HIVEP3: variants seen among roughly 807,000 people sequenced by gnomAD.
HIVEP3 encodes transcription factor HIVEP3.
In HIVEP3, 49 loss-of-function variants were observed where a neutral mutation model predicts 152.8. That is an observed-to-expected ratio of 0.32 (90% CI 0.26 to 0.41). The LOEUF is 0.41. Among genes scored for constraint, HIVEP3 ranks in the 10% least tolerant of loss-of-function variants. The probability of loss-of-function intolerance (pLI) is 1.00; values close to 1 mark genes in which losing one functional copy is unlikely to be tolerated. For missense variants in HIVEP3, 2,790 were observed against 3,103.3 expected, an observed-to-expected ratio of 0.90 and a Z score of 2.40; for synonymous variants, 1,269 against 1,289.0, an observed-to-expected ratio of 0.98 and a Z score of 0.33.
At chr1:41,888,037 CTTT>C (rs759423194) in intron 1 of HIVEP3, among the ~76,000 whole-genome samples, 2 of 121,296 alleles carry the variant, frequency 1.6e-5, no homozygotes, top group Admixed American at 8.4e-5. Context: ...CCCAGCTGAA[CTTT>C]TTTTTTTTTT....
Position 41,583,002 on chromosome 1 carries a change from C to A in HIVEP3, c.1796G>T (p.Gly599Val), listed in dbSNP as rs1644440118. Residue 599 changes from glycine (G) to valine (V), a missense_variant, in exon 4 of 9, where the codon GGG becomes GTG. By Grantham distance (109) the Gly-to-Val change is moderately radical. Around this residue, in one of 9 missense-constraint regions of HIVEP3, gnomAD observed 339 missense variants for 327.0 expected, o/e 1.04. Transcript: ENST00000372583. The surrounding 1 kb of genome is among the most constrained non-coding windows in gnomAD (Gnocchi z 6.9). ...GCCAGGCTCCTCAGAACTGTATTCC[C>A]CTCCCAAAGGTAATTCGATTGCCGG... is the stretch of plus-strand genomic sequence containing the variant. ...RQPAIELPLG[G>V]EYSSEEPGPS... 6.2e-7 allele frequency: 1 copy of A among 1,613,930 alleles called. No homozygotes were observed. The highest frequency in any genetic ancestry group is 1.7e-5 in the Admixed American group (1 of 59,994).
intron 2 of HIVEP3, among the ~76,000 whole-genome samples, chr1:41,637,189 T>G (rs1044124576): frequency 6.6e-6 from 1 of 152,122 alleles, no homozygotes; most frequent in Non-Finnish European, 1.5e-5. Flanking sequence ...TACACACACA[T>G]GCACACATAG....
At chr1:41,934,858 G>A (rs923933997) in intron 1 of HIVEP3, among the ~76,000 whole-genome samples, 16 of 152,102 alleles carry the variant, frequency 1.1e-4, no homozygotes, top group African/African-American at 3.9e-4. Flanking sequence ...GCCTGCAATT[G>A]CCTGGCAAAG....
In HIVEP3 at chr1:42,014,356, G is replaced by A. The variant is rs114274582; in HGVS notation, n.119+21451C>T. Among the ~76,000 whole-genome samples, 764 of 152,112 alleles carry A rather than the reference G, an allele frequency of 5.0e-3. 8 individuals are homozygous for A. Among genetic ancestry groups the A allele is most frequent in the African/African-American group, 0.017 (723 of 41,510 alleles). On this transcript the variant is annotated intron_variant and non_coding_transcript_variant, in intron 1 of 3. Transcript: ENST00000489103. Reference sequence around the variant, plus strand: ...GTTCGGGGAAAGGAGAAAGTCACGCGGCTCCAGCACACAGCAAGGAAGGAG... The same window carrying A: ...GTTCGGGGAAAGGAGAAAGTCACGCAGCTCCAGCACACAGCAAGGAAGGAG...
chr1:41,812,088 A>G (rs996692596), intron 1 of HIVEP3, among the ~76,000 whole-genome samples: 5 of 152,204 alleles, frequency 3.3e-5, no homozygotes, highest in African/African-American at 1.2e-4. Flanking sequence ...CAGGTCATTA[A>G]TCTCTCTGCT....
chr1:42,000,691 G>T (rs1198230885), intron 1 of HIVEP3, among the ~76,000 whole-genome samples: 6 of 152,146 alleles, frequency 3.9e-5, no homozygotes, highest in African/African-American at 1.4e-4. Context: ...ACAATGATGA[G>T]AAATATACTA....
At chr1:41,827,781 A>G (rs1203778819) in intron 1 of HIVEP3, among the ~76,000 whole-genome samples, 1 of 152,190 alleles carries the variant, frequency 6.6e-6, no homozygotes. Context: ...CTTACAAATC[A>G]TTGATCCAAA....
chr1:42,011,471 C>T (rs980637924), intron 1 of HIVEP3, among the ~76,000 whole-genome samples: 1 of 152,204 alleles, frequency 6.6e-6, no homozygotes, highest in African/African-American at 2.4e-5. Flanking sequence ...CAGGTAAACT[C>T]AGTTACTTCT....
intron 1 of HIVEP3, among the ~76,000 whole-genome samples, chr1:41,812,127 G>A (rs978806569): frequency 1.3e-5 from 2 of 152,162 alleles, no homozygotes; most frequent in Non-Finnish European, 2.9e-5. Flanking sequence ...GTGCTCCCAG[G>A]GCTGAGGCTG....
intron 1 of HIVEP3, chr1:41,848,192 TATG>T (rs3032004): frequency 0.62 from 94,277 of 151,726 alleles, 30,697 homozygotes; most frequent in African/African-American, 0.81. Context: ...GGCCTCCAGG[TATG>T]ATGATGAAAT....
intron 5 of HIVEP3, among the ~76,000 whole-genome samples, chr1:41,546,896 G>A (rs1643815896): frequency 6.6e-6 from 1 of 152,232 alleles, no homozygotes; most frequent in African/African-American, 2.4e-5. Context: ...CAGCCAGGAG[G>A]CAGCCCTGTG....
At chr1:41,566,522 C>T (rs1276611824) in intron 5 of HIVEP3, among the ~76,000 whole-genome samples, 1 of 152,192 alleles carries the variant, frequency 6.6e-6, no homozygotes, top group African/African-American at 2.4e-5. Context: ...GCTCACACTC[C>T]CTCCAGGCAC....
intron 2 of HIVEP3, among the ~76,000 whole-genome samples, chr1:41,693,632 G>C (rs766035516): frequency 4.6e-5 from 7 of 152,134 alleles, no homozygotes; most frequent in Non-Finnish European, 7.4e-5. Context: ...GATTGTTGTG[G>C]GGTGGGGTGT....
chr1:41,721,864 G>A (rs753489455), intron 1 of HIVEP3, among the ~76,000 whole-genome samples: 1 of 152,178 alleles, frequency 6.6e-6, no homozygotes, highest in Non-Finnish European at 1.5e-5. Context: ...GCACAGAACT[G>A]CCTTCCCTAA....
rs565116574 is a variant in HIVEP3 at position 41,820,401 on chromosome 1, C to T, written c.-801+98012G>A. Among the ~76,000 whole-genome samples the T allele has an allele frequency of 3.9e-5, 6 of 152,300 alleles. No individual in the cohort carries two copies. In the South Asian group the frequency reaches 1.2e-3, roughly 32 times the overall value. On this transcript the variant is annotated intron_variant, in intron 1 of 8. Transcript: ENST00000372583. ...TCCTAGTTAACACATGCTGTTCTCA[C>T]AGGTCTTATTAATAGCACCTCTTAT...
intron 5 of HIVEP3, among the ~76,000 whole-genome samples, chr1:41,544,875 A>ACCACCACCACTACCACCT (rs1558046509): frequency 1.2e-5 from 1 of 85,510 alleles, no homozygotes; most frequent in Non-Finnish European, 2.2e-5. Context: ...CACCACCACC[A>ACCACCACCACTACCACCT]CTACCACCTC....
At chr1:42,030,878 T>G (rs1645609106) in intron 1 of HIVEP3, among the ~76,000 whole-genome samples, 2 of 152,230 alleles carry the variant, frequency 1.3e-5, no homozygotes. Flanking sequence ...TCTCCATTTT[T>G]GTACATGTTT....
intron 3 of HIVEP3, among the ~76,000 whole-genome samples, chr1:41,589,657 C>A (rs1032488473): frequency 6.6e-6 from 1 of 152,216 alleles, no homozygotes; most frequent in African/African-American, 2.4e-5. Context: ...CAGCTTGAAT[C>A]TGCCTTGGGC....
intron 1 of HIVEP3, among the ~76,000 whole-genome samples, chr1:41,738,607 C>T (rs1251049065): frequency 6.6e-6 from 1 of 152,124 alleles, no homozygotes; most frequent in East Asian, 1.9e-4. Context: ...TTCCCATGAT[C>T]CATCAGCTCA....
Sources: allele counts gnomAD v4.1 joint callset (sites outside exome capture counted in the v4.1 genomes callset), GRCh38; gene constraint gnomAD v4.1.1; regional missense constraint gnomAD v4.1.1; non-coding constraint Gnocchi (gnomAD v3.1); transcripts MANE v1.5; gene names NCBI Gene and HGNC (gene_info 2026-07-23, HGNC 2026-07-21).